RIMS1: variants seen among roughly 807,000 people sequenced by gnomAD.
RIMS1 encodes the protein regulating synaptic membrane exocytosis 1, also known as regulating synaptic membrane exocytosis protein 1.
Under a neutral mutation model 214.1 loss-of-function variants are expected in RIMS1, and 83 were observed. The ratio of observed to expected loss-of-function variants is 0.39; its 90% confidence interval spans 0.32 to 0.47. The LOEUF (loss-of-function observed/expected upper bound fraction) is 0.47, where lower values mean the gene tolerates loss of function less well. Ranked by LOEUF, RIMS1 falls within the 20% of genes least tolerant of loss-of-function variation. The probability of loss-of-function intolerance (pLI) is 0.99; values close to 1 mark genes in which losing one functional copy is unlikely to be tolerated. For synonymous variants in RIMS1, 793 were observed against 786.8 expected, an observed-to-expected ratio of 1.01 and a Z score of -0.13; for missense variants, 2,050 against 2,161.8, an observed-to-expected ratio of 0.95 and a Z score of 1.03.
At chr6:72,380,047 A>G (rs891021563) in intron 29 of RIMS1, among the ~76,000 whole-genome samples, 4 of 152,246 alleles carry the variant, frequency 2.6e-5, no homozygotes, top group Non-Finnish European at 5.9e-5. Context: ...GCACATATAC[A>G]CCATGGAATA....
intron 6 of RIMS1, among the ~76,000 whole-genome samples, chr6:72,208,117 C>G: frequency 6.6e-6 from 1 of 152,150 alleles, no homozygotes; most frequent in East Asian, 1.9e-4. Context: ...GTGCTTTCTC[C>G]GTAATGAAAG....
chr6:72,399,505 T>C (rs1564910447), intron 33 of RIMS1, among the ~76,000 whole-genome samples: 1 of 152,088 alleles, frequency 6.6e-6, no homozygotes, highest in Non-Finnish European at 1.5e-5. Flanking sequence ...AGCATTGCTA[T>C]ATACCAAACA....
chr6:72,157,370 G>T (rs1253485493), intron 4 of RIMS1, among the ~76,000 whole-genome samples: 1 of 140,000 alleles, frequency 7.1e-6, no homozygotes, highest in African/African-American at 2.5e-5. Flanking sequence ...TGTATGTTCT[G>T]TCAGTTACAG....
intron 1 of RIMS1, among the ~76,000 whole-genome samples, chr6:71,895,535 G>A (rs1228902203): frequency 2.0e-5 from 3 of 151,894 alleles, no homozygotes; most frequent in Non-Finnish European, 4.4e-5. Context: ...ATTAGCCGGC[G>A]TGGTGATGCA....
At chr6:71,979,840 C>T (rs1400494562) in intron 2 of RIMS1, among the ~76,000 whole-genome samples, 1 of 151,986 alleles carries the variant, frequency 6.6e-6, no homozygotes, top group Non-Finnish European at 1.5e-5. Flanking sequence ...GGCATATTCT[C>T]TTGATTTAGA....
chr6:72,251,468 G>A (rs2073285359), intron 15 of RIMS1, 100 bp downstream of exon 15: 1 of 970,464 alleles, frequency 1.0e-6, no homozygotes, highest in Non-Finnish European at 1.5e-6. Context: ...TTTTATTAGA[G>A]ATCAAAATAC....
At chr6:72,243,072 C>A (rs1331401880) in intron 10 of RIMS1, among the ~76,000 whole-genome samples, 6 of 151,594 alleles carry the variant, frequency 4.0e-5, no homozygotes, top group African/African-American at 7.2e-5. Context: ...TTCTGGCAAA[C>A]CCACATGGTC....
chr6:71,963,089 A>G (rs1200542808), intron 1 of RIMS1, among the ~76,000 whole-genome samples: 3 of 152,196 alleles, frequency 2.0e-5, no homozygotes, highest in African/African-American at 4.8e-5. Flanking sequence ...CAATATACCT[A>G]TATCAGGAAA....
chr6:72,303,209 G>T (rs1446266984), intron 26 of RIMS1, among the ~76,000 whole-genome samples: 1 of 150,848 alleles, frequency 6.6e-6, no homozygotes, highest in Non-Finnish European at 1.5e-5. Flanking sequence ...TTTGAAGGAG[G>T]TTATATTATA....
chr6:72,242,346 C>G lies in RIMS1; in HGVS notation c.1990C>G (p.Leu664Val), dbSNP rs912704217. 9.0e-6 allele frequency: 14 copies of G among 1,564,044 alleles called. No homozygotes were observed. Among genetic ancestry groups the G allele is most frequent in the East Asian group, 2.3e-5 (1 of 42,580 alleles). The change falls in exon 10 of 34, where the codon CTG (leucine) becomes GTG (valine). Residue 664 changes from leucine (L) to valine (V), a missense_variant. Around this residue, in one of 6 missense-constraint regions of RIMS1, gnomAD observed 111 missense variants for 166.2 expected, o/e 0.67. Coordinates refer to ENST00000521978, the MANE Select transcript of RIMS1 (RefSeq NM_014989.7). ...DEVLEWNGKP[L>V]PGATNEEVYN... is the part of the protein sequence containing the mutation. ...AGTTCTAGAATGGAATGGTAAACCC[C>G]TGCCGGGAGCTACAAATGAAGAAGT...
Position 72,284,071 on chromosome 6 carries a change from T to C in RIMS1, c.3507T>C (p.Ser1169=). 6.2e-7 allele frequency: 1 copy of C among 1,613,164 alleles called. No individual in the cohort carries two copies. The highest frequency in any genetic ancestry group is 8.5e-7 in the Non-Finnish European group (1 of 1,179,326). ...NDRHSRKSER[S]SIQKQTRKGT... is the part of the protein sequence containing the mutation. ...GGCACTCCAGAAAGTCTGAAAGATCTAGCATCCAAAAACAGACTAGGAAAG... is the reference window on the plus strand; with the variant it reads ...GGCACTCCAGAAAGTCTGAAAGATCCAGCATCCAAAAACAGACTAGGAAAG... Residue 1169 remains serine (S), a synonymous_variant, in exon 24 of 34, where the codon TCT becomes TCC. Coordinates refer to ENST00000521978, the MANE Select transcript of RIMS1 (RefSeq NM_014989.7).
At chr6:72,205,297 C>T (rs1411794607) in intron 6 of RIMS1, among the ~76,000 whole-genome samples, 1 of 152,026 alleles carries the variant, frequency 6.6e-6, no homozygotes. Context: ...TCAATAACAT[C>T]AATAATAATA....
At chr6:72,277,579 C>T (rs2087241224) in intron 23 of RIMS1, among the ~76,000 whole-genome samples, 1 of 86,520 alleles carries the variant, frequency 1.2e-5, no homozygotes, top group Admixed American at 1.5e-4. Flanking sequence ...CAGACTCTGT[C>T]TCAAAAAAAA....
chr6:72,328,757 T>A (rs750817675), intron 28 of RIMS1, among the ~76,000 whole-genome samples: 5 of 151,754 alleles, frequency 3.3e-5, no homozygotes, highest in Non-Finnish European at 7.4e-5. Flanking sequence ...CTTCTTTCAG[T>A]ATGCACAATA....
chr6:72,126,483 C>CA (rs961759967), intron 4 of RIMS1, among the ~76,000 whole-genome samples: 1 of 151,854 alleles, frequency 6.6e-6, no homozygotes, highest in African/African-American at 2.4e-5. Context: ...AGTAAGCCGA[C>CA]AACCCACAAA....
intron 1 of RIMS1, among the ~76,000 whole-genome samples, chr6:71,898,152 T>A (rs1772434576): frequency 1.3e-5 from 2 of 152,176 alleles, no homozygotes; most frequent in South Asian, 4.1e-4. Flanking sequence ...TAGGTGAGGA[T>A]GTAAATTATA....
chr6:71,916,249 T>C (rs1376536431), intron 1 of RIMS1, among the ~76,000 whole-genome samples: 1 of 152,140 alleles, frequency 6.6e-6, no homozygotes, highest in Admixed American at 6.6e-5. Flanking sequence ...AAAGCTGGAA[T>C]GAGCTCCCAG....
chr6:72,400,875 G>A lies in RIMS1; in HGVS notation c.*161G>A. 1.7e-6 allele frequency: 1 copy of A among 602,708 alleles called. No homozygotes were observed. The allele number at this position is 602,708 out of a possible 1,614,324, so 37.3% of individuals were successfully genotyped here. A position where few individuals can be genotyped will look rare whatever the true frequency, so the allele number is the denominator to read the frequency against. ...ATGTCCCAATTGTTATTTAAAACAT[G>A]GCTTCATATGACAGAACAAGGCAAT... On this transcript the variant is annotated 3_prime_UTR_variant, in exon 34 of 34. Coordinates refer to ENST00000521978, the MANE Select transcript of RIMS1 (RefSeq NM_014989.7).
At chr6:72,033,702 G>C (rs996110316) in intron 2 of RIMS1, among the ~76,000 whole-genome samples, 1 of 151,762 alleles carries the variant, frequency 6.6e-6, no homozygotes, top group Non-Finnish European at 1.5e-5. Context: ...GACTGGTTTC[G>C]AACTCCTGAC....
Sources: allele counts gnomAD v4.1 joint callset (sites outside exome capture counted in the v4.1 genomes callset), GRCh38; gene constraint gnomAD v4.1.1; regional missense constraint gnomAD v4.1.1; transcripts MANE v1.5; gene names NCBI Gene and HGNC (gene_info 2026-07-23, HGNC 2026-07-21).